The following CACNG6 variants were observed in gnomAD, a reference collection of about 807,000 sequenced individuals.
CACNG6 encodes calcium voltage-gated channel auxiliary subunit gamma 6, also known as voltage-dependent calcium channel gamma-6 subunit.
A neutral mutation model predicts 23.9 loss-of-function variants in CACNG6; 21 were observed. That is an observed-to-expected ratio of 0.88 (90% CI 0.62 to 1.26). The LOEUF is 1.26. Ranked by LOEUF, CACNG6 falls within the 50% of genes most tolerant of loss-of-function variation. The pLI, the probability that CACNG6 is intolerant of heterozygous loss-of-function variation, is 0.00. For missense variants in CACNG6, 340 were observed against 352.9 expected (o/e 0.96, Z 0.29); for synonymous variants, 182 against 168.9 (o/e 1.08, Z -0.60).
chr19:54,008,653 G>A (rs761040037), intron 3 of CACNG6, among the ~76,000 whole-genome samples: 4 of 152,122 alleles, frequency 2.6e-5, no homozygotes, highest in Non-Finnish European at 4.4e-5. Context: ...CAGGACCCTC[G>A]CGTCAGCACC....
At chr19:54,005,327 G>A (rs1415022377) in intron 3 of CACNG6, among the ~76,000 whole-genome samples, 2 of 151,208 alleles carry the variant, frequency 1.3e-5, no homozygotes, top group Non-Finnish European at 2.9e-5. Flanking sequence ...TTGGGAGGGC[G>A]AGGTACGTGA....
At chr19:53,994,646 T>C (rs2069502970) in intron 1 of CACNG6, among the ~76,000 whole-genome samples, 1 of 152,180 alleles carries the variant, frequency 6.6e-6, no homozygotes, top group Non-Finnish European at 1.5e-5. Flanking sequence ...ATCATCCCAG[T>C]GCCCCTCAAA....
rs889051683 is a variant in CACNG6 at position 53,992,533 on chromosome 19, A to C, written c.-345A>C. 7.1e-5 allele frequency: 13 copies of C among 182,872 alleles called. No individual in the cohort carries two copies. The highest frequency in any genetic ancestry group is 1.3e-4 in the Non-Finnish European group (12 of 89,472). The allele number at this position is 182,872 out of a possible 1,614,324, so 11.3% of individuals were successfully genotyped here. The stretch of plus-strand genomic sequence containing the variant: ...TCATTCCTCTGGAGCTCTTGGGGGG[A>C]CTCCCTCCTGGGAAGCCGAATTCTA... On this transcript the variant is annotated 5_prime_UTR_variant, in exon 1 of 4. Coordinates refer to ENST00000252729, the MANE Select transcript of CACNG6 (RefSeq NM_145814.2). The surrounding 1 kb of genome is among the most constrained non-coding windows in gnomAD (Gnocchi z 4.1).
chr19:54,010,028 T>C (rs1291978238), intron 3 of CACNG6, among the ~76,000 whole-genome samples: 2 of 124,112 alleles, frequency 1.6e-5, no homozygotes, highest in Non-Finnish European at 3.2e-5. Context: ...ATGGAGACTA[T>C]TTCTTTTCTT....
chr19:54,008,001 T>G (rs1318454725), intron 3 of CACNG6, among the ~76,000 whole-genome samples: 1 of 152,022 alleles, frequency 6.6e-6, no homozygotes, highest in East Asian at 1.9e-4. Flanking sequence ...TTGGGCTGCA[T>G]GGAGCAAAGA....
Position 53,993,046 on chromosome 19 carries a change from G to C in CACNG6, c.169G>C (p.Val57Leu). ...GGGCGCCACGCTGGCGGTGCTGTCC[G>C]TGGGCACCGAGTTCTGGGTGGAGCT... ...AVGATLAVLSVGTEFWVELNT... is the reference protein window; with the variant it reads ...AVGATLAVLSLGTEFWVELNT... Residue 57 changes from valine (V) to leucine (L), a missense_variant, in exon 1 of 4, where the codon GTG becomes CTG. Physicochemically the swap from Val to Leu is conservative, Grantham distance 32. Transcript: ENST00000252729. 1 of 1,504,532 alleles carries C rather than the reference G, an allele frequency of 6.6e-7. No individual in the cohort carries two copies. The allele number at this position is 1,504,532 out of a possible 1,614,324, so 93.2% of individuals were successfully genotyped here. A position where few individuals can be genotyped will look rare whatever the true frequency, so the allele number is the denominator to read the frequency against.
intron 3 of CACNG6, among the ~76,000 whole-genome samples, chr19:54,007,152 G>A (rs952905035): frequency 3.3e-5 from 5 of 152,074 alleles, no homozygotes; most frequent in Non-Finnish European, 5.9e-5. Flanking sequence ...GGATTCAAGC[G>A]ATTCTCATGC....
chr19:54,004,492 A>G (rs997928561), intron 3 of CACNG6, among the ~76,000 whole-genome samples: 1 of 151,994 alleles, frequency 6.6e-6, no homozygotes, highest in Admixed American at 6.6e-5. Flanking sequence ...TGTTGGGATT[A>G]CAGGTGTGAG....
At chr19:53,996,993 C>T (rs889531620) in intron 1 of CACNG6, among the ~76,000 whole-genome samples, 2 of 150,800 alleles carry the variant, frequency 1.3e-5, no homozygotes, top group African/African-American at 2.4e-5. Context: ...CTCAGCCTCC[C>T]GAGTAGCTGG....
chr19:53,991,551 G>A (rs1012050089), upstream of CACNG6, among the ~76,000 whole-genome samples: 7 of 141,566 alleles, frequency 4.9e-5, no homozygotes, highest in Non-Finnish European at 9.2e-5. Context: ...TGTTATTTAC[G>A]GGTCAAGCCC....
chr19:53,999,994 G>A (rs1000397291), intron 3 of CACNG6, among the ~76,000 whole-genome samples: 1 of 152,152 alleles, frequency 6.6e-6, no homozygotes, highest in Non-Finnish European at 1.5e-5. Context: ...TCCAAGCCCT[G>A]TTGCATGCTT....
Position 53,993,207 on chromosome 19 carries a change from A to G in CACNG6, c.330A>G (p.Gly110=), listed in dbSNP as rs1447393563. 4 of 1,536,464 alleles carry G rather than the reference A, an allele frequency of 2.6e-6. No individual in the cohort carries two copies. The Admixed American group carries it at 6.0e-5, about 23-fold the overall frequency. ...RDTCGPAELP[G]EANCTYFKFF... is the part of the protein sequence containing the mutation. ...CCTGCGGCCCCGCGGAGCTGCCCGGAGGTGAGCAGCCGCCGCCCCGAGCGC... is the reference window on the plus strand; with the variant it reads ...CCTGCGGCCCCGCGGAGCTGCCCGGGGGTGAGCAGCCGCCGCCCCGAGCGC... Residue 110 remains glycine (G), a splice_region_variant and synonymous_variant, in exon 1 of 4, where the codon GGA becomes GGG. Transcript: ENST00000252729.
intron 3 of CACNG6, among the ~76,000 whole-genome samples, chr19:54,002,294 T>G (rs917670323): frequency 6.8e-6 from 1 of 146,694 alleles, no homozygotes; most frequent in Non-Finnish European, 1.5e-5. Context: ...GTTTTTTTTT[T>G]TTTTGTAGAG....
At chr19:54,006,801 T>C (rs2069652188) in intron 3 of CACNG6, among the ~76,000 whole-genome samples, 3 of 151,858 alleles carry the variant, frequency 2.0e-5, no homozygotes, top group Admixed American at 2.0e-4. Flanking sequence ...TCCCAGAGTA[T>C]TGGGACTACA....
At chr19:54,010,761 T>G (rs981230187) in intron 3 of CACNG6, among the ~76,000 whole-genome samples, 11 of 151,764 alleles carry the variant, frequency 7.2e-5, no homozygotes, top group African/African-American at 2.7e-4. Flanking sequence ...ATTTTTTTTT[T>G]GTAGAGATGG....
chr19:53,996,747 A>G (rs1383160877), intron 1 of CACNG6, among the ~76,000 whole-genome samples: 1 of 151,808 alleles, frequency 6.6e-6, no homozygotes, highest in East Asian at 1.9e-4. Flanking sequence ...CATCTCTTTA[A>G]TGTGTTTGAT....
intron 3 of CACNG6, among the ~76,000 whole-genome samples, chr19:53,999,978 G>A (rs1304071452): frequency 6.6e-6 from 1 of 152,048 alleles, no homozygotes; most frequent in Non-Finnish European, 1.5e-5. Context: ...GCTGGGAGGT[G>A]GGATCTCCAA....
intron 3 of CACNG6, among the ~76,000 whole-genome samples, chr19:54,009,481 GTGGAGCACACC>G (rs1461785145): frequency 2.6e-5 from 4 of 151,756 alleles, no homozygotes; most frequent in Admixed American, 2.6e-4. Flanking sequence ...GCCAGGCGTG[GTGGAGCACACC>G]TGTAGTCGCA....
At chr19:54,006,831 G>A (rs1239167863) in intron 3 of CACNG6, among the ~76,000 whole-genome samples, 7 of 141,580 alleles carry the variant, frequency 4.9e-5, no homozygotes, top group African/African-American at 1.9e-4. Context: ...CACTGTGCCC[G>A]GCCTTCTTTT....
Sources: allele counts gnomAD v4.1 joint callset (sites outside exome capture counted in the v4.1 genomes callset), GRCh38; gene constraint gnomAD v4.1.1; non-coding constraint Gnocchi (gnomAD v3.1); transcripts MANE v1.5; gene names NCBI Gene and HGNC (gene_info 2026-07-23, HGNC 2026-07-21).